TCF7L1: variants seen among roughly 807,000 people sequenced by gnomAD.
TCF7L1 encodes transcription factor 7 like 1.
In TCF7L1, 18 loss-of-function variants were observed where a neutral mutation model predicts 63.7. The observed-to-expected ratio is 0.28, with a 90% CI of 0.20 to 0.42. The LOEUF is 0.42. Ranked by LOEUF, TCF7L1 falls within the 10% of genes least tolerant of loss-of-function variation. TCF7L1 has a pLI of 1.00. For missense variants in TCF7L1, 654 were observed against 779.3 expected, an observed-to-expected ratio of 0.84 and a Z score of 1.91; for synonymous variants, 355 against 340.9, an observed-to-expected ratio of 1.04 and a Z score of -0.46.
At chr2:85,231,886 G>A (rs536779538) in intron 3 of TCF7L1, among the ~76,000 whole-genome samples, 2 of 152,002 alleles carry the variant, frequency 1.3e-5, no homozygotes, top group South Asian at 2.1e-4. Context: ...CCCACCCTGG[G>A]TGAGTCAGAG....
chr2:85,302,206 G>A (rs1681997796), intron 4 of TCF7L1, among the ~76,000 whole-genome samples: 1 of 152,076 alleles, frequency 6.6e-6, no homozygotes, highest in Admixed American at 6.5e-5. Flanking sequence ...TCAGCAGCCT[G>A]TAGTGTTTGA....
At chr2:85,148,771 ATT>A (rs775984491) in intron 3 of TCF7L1, among the ~76,000 whole-genome samples, 1,737 of 124,976 alleles carry the variant, frequency 0.014, 27 homozygotes, top group African/African-American at 0.049. Context: ...ACAGTATTTA[ATT>A]TTTTTTTTTT....
chr2:85,250,167 T>G (rs1680557021), intron 3 of TCF7L1, among the ~76,000 whole-genome samples: 1 of 152,194 alleles, frequency 6.6e-6, no homozygotes, highest in Admixed American at 6.5e-5. Flanking sequence ...CTGATTAGTG[T>G]TTGCCAATTT....
chr2:85,230,492 C>A (rs1225331080), intron 3 of TCF7L1, among the ~76,000 whole-genome samples: 1 of 152,130 alleles, frequency 6.6e-6, no homozygotes, highest in African/African-American at 2.4e-5. Flanking sequence ...CATCACCACG[C>A]CCAGCTAATT....
intron 3 of TCF7L1, among the ~76,000 whole-genome samples, chr2:85,260,909 C>T (rs574032192): frequency 6.6e-6 from 1 of 152,188 alleles, no homozygotes; most frequent in East Asian, 1.9e-4. Context: ...AGAAGTTCTT[C>T]TGGGATTTGG....
chr2:85,144,888 A>G (rs181895496), intron 3 of TCF7L1, among the ~76,000 whole-genome samples: 9 of 151,982 alleles, frequency 5.9e-5, no homozygotes, highest in Admixed American at 3.9e-4. Flanking sequence ...TTTCAAGACT[A>G]GCTTGGCCAC....
chr2:85,284,963 GT>G (rs1195774451), intron 4 of TCF7L1, among the ~76,000 whole-genome samples: 2 of 152,220 alleles, frequency 1.3e-5, no homozygotes, highest in African/African-American at 4.8e-5. Context: ...GCTGGGCGCA[GT>G]GGCTCACGCC....
chr2:85,305,386 G>A lies in TCF7L1; in HGVS notation c.972G>A (p.Leu324=), dbSNP rs1363751478. 1.2e-6 allele frequency: 2 copies of A among 1,612,244 alleles called. No homozygotes were observed. Among genetic ancestry groups the A allele is most frequent in the South Asian group, 1.1e-5 (1 of 90,884 alleles). The part of the protein sequence containing the change: ...IVKQEPAPPS[L]SPAVSVKSPV... Reference sequence around the variant, plus strand: ...AGCAGGAACCGGCACCCCCCAGCCTGAGCCCTGCAGTGAGCGTGTAAGTAA... The same window carrying A: ...AGCAGGAACCGGCACCCCCCAGCCTAAGCCCTGCAGTGAGCGTGTAAGTAA... The change falls in exon 8 of 12, where the codon CTG becomes CTA. Residue 324 remains leucine (L), a synonymous_variant. Coordinates refer to ENST00000282111, the MANE Select transcript of TCF7L1 (RefSeq NM_031283.3).
intron 3 of TCF7L1, among the ~76,000 whole-genome samples, chr2:85,233,282 CT>C (rs1395518848): frequency 6.7e-6 from 1 of 148,964 alleles, no homozygotes. Flanking sequence ...AGCACACTTT[CT>C]TTTTGTGTTC....
At chr2:85,210,121 A>C (rs749865679) in intron 3 of TCF7L1, among the ~76,000 whole-genome samples, 5 of 152,182 alleles carry the variant, frequency 3.3e-5, no homozygotes, top group Admixed American at 1.3e-4. Flanking sequence ...TCTTGAGACC[A>C]GCCCTGGGTG....
At chr2:85,305,134 A>C (rs1331670355) in intron 7 of TCF7L1, 126 bp from the exon 8 acceptor site, 1 of 1,280,506 alleles carries the variant, frequency 7.8e-7, no homozygotes, top group African/African-American at 1.5e-5. Flanking sequence ...ATAGCCTTCT[A>C]GTCCTGAGAC....
rs1196550327 is a variant in TCF7L1 at position 85,252,767 on chromosome 2, C to T, written c.442-30728C>T. On this transcript the variant is annotated intron_variant, in intron 3 of 11. Transcript: ENST00000282111. ...CTGTGCCTGCCAGGGAGCCCAACCT[C>T]AGCACCTAGTATCCAGCTCCCCAGG... Among the ~76,000 whole-genome samples, 4 of 152,304 alleles carry T rather than the reference C, an allele frequency of 2.6e-5. No homozygotes were observed. The East Asian group carries it at 7.7e-4, about 29-fold the overall frequency.
At chr2:85,207,143 G>A (rs1363589875) in intron 3 of TCF7L1, among the ~76,000 whole-genome samples, 1 of 152,120 alleles carries the variant, frequency 6.6e-6, no homozygotes, top group Admixed American at 6.5e-5. Flanking sequence ...ATCAGTGTAG[G>A]GGCAAACATT....
intron 3 of TCF7L1, among the ~76,000 whole-genome samples, chr2:85,259,180 G>A (rs183448226): frequency 1.3e-5 from 2 of 152,354 alleles, no homozygotes; most frequent in African/African-American, 4.8e-5. Flanking sequence ...AGTATTTGTG[G>A]AATGAGCGGC....
In TCF7L1 at chr2:85,144,705, TTCTCTCTC is replaced by T. The variant is rs59431131; in HGVS notation, c.441+10263_441+10270del. 8.9e-5 allele frequency among the ~76,000 whole-genome samples: 13 copies of T among 146,404 alleles called. No homozygotes were observed. The East Asian group carries it at 1.0e-3, about 11-fold the overall frequency. Reference sequence around the variant, plus strand: ...TATTTGTCTTCTTTCCCATCCCCCTTTCTCTCTCTCTCTCTGTGTGTGTGTGTGTGTGT... The same window carrying T: ...TATTTGTCTTCTTTCCCATCCCCCTTTCTCTCTGTGTGTGTGTGTGTGTGT... On this transcript the variant is annotated intron_variant, in intron 3 of 11. Transcript: ENST00000282111.
chr2:85,281,327 C>T (rs574110606), intron 3 of TCF7L1, among the ~76,000 whole-genome samples: 32 of 152,146 alleles, frequency 2.1e-4, no homozygotes, highest in Admixed American at 3.3e-4. Flanking sequence ...CCCGGCCTAG[C>T]TCCTTTTAAA....
At chr2:85,230,073 G>A (rs1680043409) in intron 3 of TCF7L1, among the ~76,000 whole-genome samples, 1 of 152,148 alleles carries the variant, frequency 6.6e-6, no homozygotes, top group Admixed American at 6.5e-5. Flanking sequence ...TAAGTTTTCT[G>A]CTTCTTTCTC....
intron 3 of TCF7L1, among the ~76,000 whole-genome samples, chr2:85,247,253 T>C (rs1054168861): frequency 1.3e-5 from 2 of 152,220 alleles, no homozygotes; most frequent in Non-Finnish European, 2.9e-5. Context: ...ACCGCTATTA[T>C]TAACCTCTCC....
intron 3 of TCF7L1, among the ~76,000 whole-genome samples, chr2:85,263,026 G>A (rs1160402691): frequency 6.6e-6 from 1 of 152,200 alleles, no homozygotes; most frequent in Non-Finnish European, 1.5e-5. Context: ...TTTTCCATGT[G>A]CAACTGGGGA....
Sources: allele counts gnomAD v4.1 joint callset (sites outside exome capture counted in the v4.1 genomes callset), GRCh38; gene constraint gnomAD v4.1.1; transcripts MANE v1.5; gene names NCBI Gene and HGNC (gene_info 2026-07-23, HGNC 2026-07-21).